The following CRAMP1 variants were observed in gnomAD, a reference collection of about 807,000 sequenced individuals.
CRAMP1 encodes the protein protein cramped-like.
CRAMP1 carries 50 observed loss-of-function variants against 115.4 expected under a neutral mutation model. The ratio of observed to expected loss-of-function variants is 0.43; its 90% CI spans 0.35 to 0.55. CRAMP1 has a LOEUF of 0.55. Ranked by LOEUF, CRAMP1 falls within the 20% of genes least tolerant of loss-of-function variation. The pLI, the probability that CRAMP1 is intolerant of heterozygous loss-of-function variation, is 0.01. For missense variants in CRAMP1, 1,679 were observed against 1,721.7 expected (o/e 0.98, Z 0.44); for synonymous variants, 866 against 745.4 (o/e 1.16, Z -2.64).
At chr16:1,632,954 C>T (rs1195629658) in intron 4 of CRAMP1, among the ~76,000 whole-genome samples, 1 of 152,228 alleles carries the variant, frequency 6.6e-6, no homozygotes, top group Non-Finnish European at 1.5e-5. Flanking sequence ...TCTTAGCTGC[C>T]TCCTGCCTCC....
chr16:1,632,434 T>C (rs1423864010), intron 4 of CRAMP1, 69 bp downstream of exon 4: 1 of 1,459,514 alleles, frequency 6.9e-7, no homozygotes, highest in Non-Finnish European at 9.2e-7. Flanking sequence ...GAGCGCAGCT[T>C]CCAGCAAGCC....
rs1297256116 is a variant in CRAMP1 at position 1,620,600 on chromosome 16, G to T, written c.347-5373G>T. ...AATTGATGTTAGAGATGATGACAGG[G>T]TGTCACTGGGCTTCTGCGTCTGACC... On this transcript the variant is annotated intron_variant, in intron 2 of 20. Transcript: ENST00000397412. The T allele has an allele frequency of 2.2e-5, 10 of 456,448 alleles. No individual in the cohort carries two copies. In the East Asian group the frequency reaches 4.2e-4, roughly 19 times the overall value. 28.3% of individuals were successfully genotyped at this position (456,448 alleles called of 1,614,324 possible). A position where few individuals can be genotyped will look rare whatever the true frequency, so the allele number is the denominator to read the frequency against.
intron 8 of CRAMP1, 145 bp downstream of exon 8, chr16:1,653,301 G>A: frequency 1.0e-6 from 1 of 977,442 alleles, no homozygotes; most frequent in Non-Finnish European, 1.5e-6. Context: ...GCAGTGTGGA[G>A]GCGACTGGAG....
intron 10 of CRAMP1, 82 bp downstream of exon 10, chr16:1,657,074 G>T: frequency 7.9e-7 from 1 of 1,258,320 alleles, no homozygotes; most frequent in Non-Finnish European, 1.1e-6. Flanking sequence ...TGGGTAGCTA[G>T]GGCCAGCACG....
chr16:1,616,370 C>T (rs1326123001), intron 2 of CRAMP1, among the ~76,000 whole-genome samples: 3 of 152,218 alleles, frequency 2.0e-5, no homozygotes, highest in Admixed American at 6.5e-5. Flanking sequence ...TGCTCTGCCC[C>T]TTCACCCTCT....
rs1567458554 is a variant in CRAMP1, at chr16:1,656,746, G to C, written c.1989G>C (p.Glu663Asp). ...AGCCTGCCGCCAGGCCCCCGAAGGA[G>C]GTCCCCGCCAGCCGGCTGGCTCAGC... ...QGQPAARPPKEVPASRLAQQL... is the reference protein window; with the variant it reads ...QGQPAARPPKDVPASRLAQQL... The change falls in exon 10 of 21, where the codon GAG becomes GAC. Residue 663 changes from glutamate (E) to aspartate (D), a missense_variant. Glu to Asp is a conservative substitution (Grantham distance 45). This residue lies in a region of CRAMP1 where 405 missense variants were observed against 302.6 expected (regional missense o/e 1.34). Coordinates refer to ENST00000397412, the MANE Select transcript of CRAMP1 (RefSeq NM_020825.4). The surrounding 1 kb of genome is among the most constrained non-coding windows in gnomAD (Gnocchi z 5.6). The C allele has an allele frequency of 6.5e-7, 1 of 1,549,198 alleles. No individual in the cohort carries two copies. The highest frequency in any genetic ancestry group is 8.7e-7 in the Non-Finnish European group (1 of 1,146,094).
At chr16:1,663,899 A>G (rs1011540625) in intron 13 of CRAMP1, among the ~76,000 whole-genome samples, 3 of 152,208 alleles carry the variant, frequency 2.0e-5, no homozygotes, top group Non-Finnish European at 2.9e-5. Flanking sequence ...TTTCTGTACT[A>G]TCTACTGTTT....
rs117226634 is a variant in CRAMP1, at chr16:1,623,857, A to G, written c.347-2116A>G. On this transcript the variant is annotated intron_variant, in intron 2 of 20. Coordinates refer to ENST00000397412, the MANE Select transcript of CRAMP1 (RefSeq NM_020825.4). ...GGTTTGGTGAGGAATGGGCAGGGCC[A>G]GATAACATGTCAGGCATTTGATTAG... 7.9e-5 allele frequency among the ~76,000 whole-genome samples: 12 copies of G among 152,360 alleles called. No individual in the cohort carries two copies. The East Asian group carries it at 2.3e-3, about 29-fold the overall frequency.
At position 1,612,971 on chromosome 16, in the gene CRAMP1, G is replaced by A. The variant is rs541023240; in HGVS notation, c.-2+314G>A. ...GCGTCGGTCCTTTCAGTGGCGAAAAGCGCTTCCCCGTGCTCGGTCGGCGTC... is the reference window on the plus strand; with the variant it reads ...GCGTCGGTCCTTTCAGTGGCGAAAAACGCTTCCCCGTGCTCGGTCGGCGTC... On this transcript the variant is annotated intron_variant, in intron 1 of 20. Transcript: ENST00000397412. Among the ~76,000 whole-genome samples, 483 of 152,262 alleles carry A rather than the reference G, an allele frequency of 3.2e-3. 2 individuals are homozygous for A. The highest frequency in any genetic ancestry group is 5.6e-3 in the Non-Finnish European group (378 of 68,020).
In CRAMP1 at chr16:1,661,653, T is replaced by C. The variant is rs565355958; in HGVS notation, c.2414-837T>C. On this transcript the variant is annotated intron_variant, in intron 11 of 20. Coordinates refer to ENST00000397412, the MANE Select transcript of CRAMP1 (RefSeq NM_020825.4). ...CTCTGTCGCCCAGGCTGGAGTGCAG[T>C]GGCGTGATCTCAGCTCACTGCAACC... 6.4e-4 allele frequency among the ~76,000 whole-genome samples: 96 copies of C among 149,876 alleles called. 1 individual carries two copies. The highest frequency in any genetic ancestry group is 1.2e-3 in the Non-Finnish European group (78 of 67,622).
At position 1,614,838 on chromosome 16, in the gene CRAMP1, C is replaced by G. The variant is rs1253957906; in HGVS notation, c.199C>G (p.Gln67Glu). The change falls in exon 2 of 21, where the codon CAG becomes GAG. Residue 67 changes from glutamine (Q) to glutamate (E), a missense_variant. By Grantham distance (29) the Gln-to-Glu change is conservative (BLOSUM62 2). This residue lies in a region of CRAMP1 where 264 missense variants were observed against 229.7 expected (regional missense o/e 1.15). Coordinates refer to ENST00000397412, the MANE Select transcript of CRAMP1 (RefSeq NM_020825.4). This position sits in a 1 kb window ranked among gnomAD's most constrained non-coding sequence, Gnocchi z 4.4. ...CCCCCCCGCGCCCCCCGGCGCGCCGCAGGCGCCGTCCCCGCCGCAGGGCAG... is the reference window on the plus strand; with the variant it reads ...CCCCCCCGCGCCCCCCGGCGCGCCGGAGGCGCCGTCCCCGCCGCAGGGCAG... ...DGPPAPPGAP[Q>E]APSPPQGSPQ... is the part of the protein sequence containing the mutation. 2 of 1,277,292 alleles carry G rather than the reference C, an allele frequency of 1.6e-6. No homozygotes were observed. Among genetic ancestry groups the G allele is most frequent in the Non-Finnish European group, 2.0e-6 (2 of 1,016,218 alleles). The allele number at this position is 1,277,292 out of a possible 1,614,324, so 79.1% of individuals were successfully genotyped here.
Position 1,670,442 on chromosome 16 carries a change from C to T in CRAMP1, c.3500-222C>T, listed in dbSNP as rs1347907964. The T allele has an allele frequency of 9.7e-6, 5 of 516,968 alleles. No homozygotes were observed. In the East Asian group the frequency reaches 9.8e-5, roughly 10 times the overall value. The allele number at this position is 516,968 out of a possible 1,614,324, so 32.0% of individuals were successfully genotyped here. A position where few individuals can be genotyped will look rare whatever the true frequency, so the allele number is the denominator to read the frequency against. ...AGTGAGGGTGGGAGACCGTGGGACT[C>T]GTGGAAAACAAGGTGCATGTCTGTA... On this transcript the variant is annotated intron_variant, in intron 19 of 20. Transcript: ENST00000397412.
chr16:1,665,415 C>G (rs748174903), intron 14 of CRAMP1, among the ~76,000 whole-genome samples: 1 of 152,192 alleles, frequency 6.6e-6, no homozygotes, highest in South Asian at 2.1e-4. Flanking sequence ...AGTTGTGTCT[C>G]TTGTCTGCTC....
At chr16:1,613,758 C>T (rs1371864505) in intron 1 of CRAMP1, among the ~76,000 whole-genome samples, 2 of 152,300 alleles carry the variant, frequency 1.3e-5, no homozygotes, top group Admixed American at 6.5e-5. Context: ...GCTTCTTGCA[C>T]CTGGACCCGG....
chr16:1,639,612 T>C (rs551813458), intron 5 of CRAMP1, among the ~76,000 whole-genome samples: 2 of 152,082 alleles, frequency 1.3e-5, no homozygotes, highest in Non-Finnish European at 2.9e-5. Context: ...GGGAAGACTT[T>C]TTAGACTTTT....
At chr16:1,649,577 C>T (rs1241138248) in intron 6 of CRAMP1, among the ~76,000 whole-genome samples, 1 of 152,096 alleles carries the variant, frequency 6.6e-6, no homozygotes, top group African/African-American at 2.4e-5. Flanking sequence ...GCAAGCTCCG[C>T]CTCCTGGGTT....
At position 1,660,045 on chromosome 16, in the gene CRAMP1, T is replaced by A. The variant is rs2036814357; in HGVS notation, c.2395T>A (p.Ser799Thr). The A allele has an allele frequency of 1.3e-6, 2 of 1,588,050 alleles. No individual in the cohort carries two copies. Among genetic ancestry groups the A allele is most frequent in the Non-Finnish European group, 1.7e-6 (2 of 1,174,676 alleles). The change falls in exon 11 of 21, where the codon TCT (serine) becomes ACT (threonine). Residue 799 changes from serine to threonine, a missense_variant. By Grantham distance (58) the Ser-to-Thr change is moderately conservative. This residue lies in a region of CRAMP1 where 709 missense variants were observed against 741.9 expected (regional missense o/e 0.96). Transcript: ENST00000397412. The part of the protein sequence containing the change: ...LRSSKTFPPS[S>T]APCSSGLRNP... ...CAGCAGCAAGACCTTCCCGCCCAGC[T>A]CTGCACCCTGCTCCTCAGGTGAGGC...
chr16:1,657,214 C>T (rs1052278304), intron 10 of CRAMP1, among the ~76,000 whole-genome samples: 1 of 152,258 alleles, frequency 6.6e-6, no homozygotes, highest in Non-Finnish European at 1.5e-5. Flanking sequence ...CTACTTTCCT[C>T]TCCCTCGAGG....
chr16:1,675,472 A>C lies in CRAMP1; in HGVS notation c.*1427A>C, dbSNP rs2036959771. 6.6e-6 allele frequency: 1 copy of C among 152,076 alleles called. No homozygotes were observed. The highest frequency in any genetic ancestry group is 1.5e-5 in the Non-Finnish European group (1 of 68,078). 9.4% of individuals were successfully genotyped at this position (152,076 alleles called of 1,614,324 possible). A position where few individuals can be genotyped will look rare whatever the true frequency, so the allele number is the denominator to read the frequency against. On this transcript the variant is annotated 3_prime_UTR_variant, in exon 21 of 21. Coordinates refer to ENST00000397412, the MANE Select transcript of CRAMP1 (RefSeq NM_020825.4). ...TCCTCCCCACCATTCCTCTTCCCCC[A>C]CATGTGTGGCACGCTGCAGCCCTCA...
Sources: allele counts gnomAD v4.1 joint callset (sites outside exome capture counted in the v4.1 genomes callset), GRCh38; gene constraint gnomAD v4.1.1; regional missense constraint gnomAD v4.1.1; non-coding constraint Gnocchi (gnomAD v3.1); transcripts MANE v1.5; gene names NCBI Gene and HGNC (gene_info 2026-07-23, HGNC 2026-07-21).